The following BTAF1 variants were observed in gnomAD, a reference collection of about 807,000 sequenced individuals.
BTAF1 encodes B-TFIID TATA-box binding protein associated factor 1, also known as TATA-binding protein-associated factor 172.
In BTAF1, 38 loss-of-function variants were observed where a neutral mutation model predicts 227.1. That is an observed-to-expected ratio of 0.17 (90% CI 0.13 to 0.22). The LOEUF is 0.22. Ranked by LOEUF, BTAF1 falls within the 10% of genes least tolerant of loss-of-function variation. The pLI, the probability that BTAF1 is intolerant of heterozygous loss-of-function variation, is 1.00. For synonymous variants in BTAF1, 742 were observed against 751.9 expected, an observed-to-expected ratio of 0.99 and a Z score of 0.21; for missense variants, 1,598 against 2,204.0, an observed-to-expected ratio of 0.73 and a Z score of 5.51.
At chr10:92,009,600 C>T (rs924046582) in intron 28 of BTAF1, among the ~76,000 whole-genome samples, 1 of 152,202 alleles carries the variant, frequency 6.6e-6, no homozygotes, top group African/African-American at 2.4e-5. Flanking sequence ...GTTCAGGAGG[C>T]TGAGGCAGGA....
At chr10:91,942,991 C>T (rs1382054969) in intron 4 of BTAF1, among the ~76,000 whole-genome samples, 2 of 152,012 alleles carry the variant, frequency 1.3e-5, no homozygotes, top group Non-Finnish European at 2.9e-5. Context: ...ATTGGGTTTA[C>T]TCATGCTGGT....
chr10:91,955,615 G>A (rs1374288584), intron 6 of BTAF1, among the ~76,000 whole-genome samples: 1 of 152,030 alleles, frequency 6.6e-6, no homozygotes, highest in East Asian at 1.9e-4. Flanking sequence ...AGAAATGAGA[G>A]TGCTAGTCCT....
chr10:92,010,861 T>G (rs1850244521), intron 28 of BTAF1, among the ~76,000 whole-genome samples: 1 of 152,192 alleles, frequency 6.6e-6, no homozygotes, highest in Non-Finnish European at 1.5e-5. Flanking sequence ...TCCACCATAT[T>G]TTCAGTCTGA....
intron 5 of BTAF1, 123 bp downstream of exon 5, chr10:91,951,689 AC>A: frequency 9.8e-7 from 1 of 1,025,228 alleles, no homozygotes; most frequent in Non-Finnish European, 1.3e-6. Flanking sequence ...GCTTAGTGCC[AC>A]CATAATTTAG....
At chr10:92,005,235 A>G (rs1410017013) in intron 25 of BTAF1, among the ~76,000 whole-genome samples, 2 of 147,012 alleles carry the variant, frequency 1.4e-5, no homozygotes, top group Non-Finnish European at 3.0e-5. Context: ...GTTCCACATG[A>G]GTTTTTTTGT....
Position 91,935,664 on chromosome 10 carries a change from C to G in BTAF1, c.22C>G (p.Arg8Gly). 1 of 1,612,122 alleles carries G rather than the reference C, an allele frequency of 6.2e-7. No homozygotes were observed. Among genetic ancestry groups the G allele is most frequent in the African/African-American group, 1.3e-5 (1 of 74,936 alleles). Residue 8 changes from arginine to glycine, a missense_variant, in exon 2 of 38, where the codon CGC (arginine) becomes GGC (glycine). This residue lies in a region of BTAF1 where 298 missense variants were observed against 395.2 expected (regional missense o/e 0.75). Transcript: ENST00000265990. MAVSRLD[R>G]LFILLDTGTT... ...GTATTTTTGTTATTTCAGGCTAGAT[C>G]GCCTTTTTATTTTACTGGATACTGG... is the stretch of plus-strand genomic sequence containing the variant.
intron 2 of BTAF1, among the ~76,000 whole-genome samples, chr10:91,938,278 C>A (rs886551825): frequency 6.6e-6 from 1 of 152,120 alleles, no homozygotes; most frequent in Non-Finnish European, 1.5e-5. Flanking sequence ...TATGAGCTGT[C>A]TTTTTACTTT....
At chr10:91,940,109 T>G in intron 3 of BTAF1, 43 bp downstream of exon 3, 1 of 1,280,676 alleles carries the variant, frequency 7.8e-7, no homozygotes, top group Non-Finnish European at 1.1e-6. Context: ...AAAACCTAAC[T>G]GTAGAATTAA....
intron 1 of BTAF1, among the ~76,000 whole-genome samples, chr10:91,926,755 G>T (rs564981064): frequency 8.3e-4 from 126 of 152,188 alleles, no homozygotes; most frequent in Non-Finnish European, 1.6e-3. Context: ...TACAAGACAG[G>T]AGCCTCTCTC....
chr10:91,980,363 T>G (rs1847977872), intron 14 of BTAF1, 91 bp from the exon 15 acceptor site: 4 of 925,252 alleles, frequency 4.3e-6, no homozygotes, highest in Non-Finnish European at 6.8e-6. Context: ...CTTTTCATGG[T>G]AGTACTTTTG....
Position 91,993,751 on chromosome 10 carries a change from G to T in BTAF1, c.3103G>T (p.Val1035Leu), listed in dbSNP as rs750344737. Residue 1035 changes from valine to leucine, a missense_variant, in exon 22 of 38, where the codon GTA becomes TTA. Val to Leu is a conservative substitution (Grantham distance 32). Around this residue, in one of 10 missense-constraint regions of BTAF1, gnomAD observed 425 missense variants for 491.2 expected, o/e 0.87. Coordinates refer to ENST00000265990, the MANE Select transcript of BTAF1 (RefSeq NM_003972.3). ...RGAEFALTTI[V>L]KHFGGEMAVK... ...AGCTGAATTTGCTTTGACAACTATA[G>T]TAAAGCATTTTGGTGGTGAAATGGC... is the stretch of plus-strand genomic sequence containing the variant. 6.2e-7 allele frequency: 1 copy of T among 1,603,564 alleles called. No homozygotes were observed. The highest frequency in any genetic ancestry group is 8.5e-7 in the Non-Finnish European group (1 of 1,173,630).
At chr10:92,001,663 A>AT (rs1849536205) in intron 25 of BTAF1, among the ~76,000 whole-genome samples, 1 of 152,200 alleles carries the variant, frequency 6.6e-6, no homozygotes, top group Admixed American at 6.5e-5. Flanking sequence ...TAAAGGAATA[A>AT]TTTAAAAAAA....
intron 30 of BTAF1, 69 bp downstream of exon 30, chr10:92,011,484 A>G (rs964945545): frequency 2.0e-5 from 15 of 738,128 alleles, no homozygotes; most frequent in Non-Finnish European, 2.6e-5. Context: ...GGTGGAGGGT[A>G]GGCTTGGTAT....
Position 91,982,771 on chromosome 10 carries a change from T to G in BTAF1, c.2223+10T>G, listed in dbSNP as rs1183058738. The G allele has an allele frequency of 6.3e-7, 1 of 1,590,744 alleles. No individual in the cohort carries two copies. Among genetic ancestry groups the G allele is most frequent in the Non-Finnish European group, 8.6e-7 (1 of 1,167,270 alleles). On this transcript the variant is annotated intron_variant, in intron 18 of 37. Transcript: ENST00000265990. ...GGCTGCTTTACAAAAGGTAAGATTT[T>G]GCCCCAAAAGTAATAAAGACAAATT...
chr10:91,937,803 C>T (rs1399653148), intron 2 of BTAF1, among the ~76,000 whole-genome samples: 1 of 151,868 alleles, frequency 6.6e-6, no homozygotes, highest in Non-Finnish European at 1.5e-5. Context: ...TATATATATA[C>T]CTGAGAGTAG....
intron 14 of BTAF1, among the ~76,000 whole-genome samples, chr10:91,977,849 C>T (rs1847798274): frequency 6.6e-6 from 1 of 152,042 alleles, no homozygotes; most frequent in African/African-American, 2.4e-5. Context: ...TGCTTATTTG[C>T]CTAGACTTTA....
At chr10:91,956,718 G>A (rs890097812) in intron 7 of BTAF1, 61 bp downstream of exon 7, 60 of 1,549,056 alleles carry the variant, frequency 3.9e-5, no homozygotes, top group Non-Finnish European at 4.5e-5. Flanking sequence ...GGCCAGCAGC[G>A]GTGGCTCACT....
chr10:91,927,843 T>C (rs1345880400), intron 1 of BTAF1, among the ~76,000 whole-genome samples: 1 of 152,218 alleles, frequency 6.6e-6, no homozygotes, highest in Non-Finnish European at 1.5e-5. Flanking sequence ...CTAGCTGACT[T>C]TCCAGCATCC....
intron 13 of BTAF1, among the ~76,000 whole-genome samples, chr10:91,965,569 A>G (rs757077242): frequency 6.6e-5 from 10 of 152,220 alleles, no homozygotes; most frequent in African/African-American, 9.6e-5. Context: ...TATTAATTCA[A>G]TGTGAAATAA....
Sources: allele counts gnomAD v4.1 joint callset (sites outside exome capture counted in the v4.1 genomes callset), GRCh38; gene constraint gnomAD v4.1.1; regional missense constraint gnomAD v4.1.1; transcripts MANE v1.5; gene names NCBI Gene and HGNC (gene_info 2026-07-23, HGNC 2026-07-21).